Variants in RBFOX1 observed in about 807,000 individuals in gnomAD.
The protein encoded by RBFOX1 is RNA binding protein fox-1 homolog 1.
Under a neutral mutation model 57.7 loss-of-function variants are expected in RBFOX1, and 8 were observed. The ratio of observed to expected loss-of-function variants is 0.14; its 90% CI spans 0.08 to 0.25. The LOEUF is 0.25. Ranked by LOEUF, RBFOX1 falls within the 10% of genes least tolerant of loss-of-function variation. The pLI is 1.00. For synonymous variants in RBFOX1, 326 were observed against 222.4 expected (o/e 1.47, Z -4.15); for missense variants, 611 against 548.5 (o/e 1.11, Z -1.14).
chr16:6,731,175 A>C lies in RBFOX1; in HGVS notation c.-16+76525A>C, dbSNP rs8055852. Among the ~76,000 whole-genome samples the C allele has an allele frequency of 8.4e-3, 1,272 of 152,296 alleles. 24 individuals are homozygous for C. Among genetic ancestry groups the C allele is most frequent in the African/African-American group, 0.029 (1,221 of 41,556 alleles). The stretch of plus-strand genomic sequence containing the variant: ...CTGAGGACAGCTAGAATTATCTAAG[A>C]TGCAAAAATACAGGGAAGATACATA... On this transcript the variant is annotated intron_variant, in intron 3 of 15. Transcript: ENST00000550418.
chr16:6,948,375 CTTTTTTT>C (rs968186299), intron 3 of RBFOX1, among the ~76,000 whole-genome samples: 46 of 67,956 alleles, frequency 6.8e-4, no homozygotes, highest in African/African-American at 1.1e-3. Context: ...TTCTCCCTTT[CTTTTTTT>C]TTTTTTTTTT....
chr16:5,928,594 C>G (rs959703701), intron 4 of RBFOX1, among the ~76,000 whole-genome samples: 3 of 151,880 alleles, frequency 2.0e-5, no homozygotes, highest in Admixed American at 2.0e-4. Context: ...TATGTTCCTC[C>G]TGCCACCACA....
intron 3 of RBFOX1, among the ~76,000 whole-genome samples, chr16:5,664,874 G>C (rs1596651577): frequency 1.3e-5 from 2 of 151,804 alleles, no homozygotes; most frequent in East Asian, 3.9e-4. Flanking sequence ...CTGTGTAGAA[G>C]GCCCTGCACA....
At chr16:7,453,424 G>C (rs2057798744) in intron 4 of RBFOX1, among the ~76,000 whole-genome samples, 1 of 152,144 alleles carries the variant, frequency 6.6e-6, no homozygotes, top group Non-Finnish European at 1.5e-5. Context: ...ACATGGTCTT[G>C]CCGGCCATGA....
intron 5 of RBFOX1, among the ~76,000 whole-genome samples, chr16:7,553,720 A>C (rs2087352113): frequency 6.6e-6 from 1 of 152,212 alleles, no homozygotes; most frequent in Non-Finnish European, 1.5e-5. Flanking sequence ...TGTTTACTGT[A>C]GGTTAGAGTT....
intron 8 of RBFOX1, among the ~76,000 whole-genome samples, chr16:7,597,012 AATTTT>A (rs1247877856): frequency 1.3e-4 from 20 of 152,066 alleles, no homozygotes; most frequent in African/African-American, 3.9e-4. Context: ...CCTTCATATG[AATTTT>A]ATTTTATGTT....
At chr16:6,720,063 C>T (rs1004212399) in intron 3 of RBFOX1, among the ~76,000 whole-genome samples, 1 of 151,944 alleles carries the variant, frequency 6.6e-6, no homozygotes, top group South Asian at 2.1e-4. Flanking sequence ...CACTGCACTA[C>T]ACCCTGGGCG....
At chr16:6,885,032 A>G (rs1277467596) in intron 3 of RBFOX1, among the ~76,000 whole-genome samples, 2 of 152,234 alleles carry the variant, frequency 1.3e-5, no homozygotes, top group East Asian at 3.8e-4. Flanking sequence ...GTTTTAGAAA[A>G]GCAGCAAAAC....
chr16:6,874,356 C>G (rs553281132), intron 3 of RBFOX1, among the ~76,000 whole-genome samples: 3 of 151,784 alleles, frequency 2.0e-5, no homozygotes, highest in South Asian at 2.1e-4. Flanking sequence ...ACTAAAAATA[C>G]AAAATTAGCC....
chr16:5,403,361 A>AACAAC (rs1555509344), intron 1 of RBFOX1, among the ~76,000 whole-genome samples: 3 of 147,184 alleles, frequency 2.0e-5, no homozygotes, highest in Admixed American at 2.0e-4. Context: ...AAAAAAAAAA[A>AACAAC]AAAAAACAAA....
chr16:5,656,495 C>G (rs1386646825), intron 3 of RBFOX1, among the ~76,000 whole-genome samples: 3 of 152,138 alleles, frequency 2.0e-5, no homozygotes, highest in African/African-American at 7.2e-5. Context: ...ACATATACAA[C>G]TTGTTAAGTT....
intron 2 of RBFOX1, among the ~76,000 whole-genome samples, chr16:6,607,386 A>G (rs1047829210): frequency 1.3e-5 from 2 of 151,892 alleles, no homozygotes; most frequent in African/African-American, 2.4e-5. Context: ...ATTTCCAGTT[A>G]TCATAAGCAG....
intron 4 of RBFOX1, among the ~76,000 whole-genome samples, chr16:7,343,817 G>A (rs1202699171): frequency 1.3e-5 from 2 of 152,056 alleles, no homozygotes; most frequent in African/African-American, 4.8e-5. Context: ...TGTGACCTTG[G>A]CACAGTTTTT....
chr16:5,605,940 G>A (rs1469818237), intron 3 of RBFOX1, among the ~76,000 whole-genome samples: 1 of 152,078 alleles, frequency 6.6e-6, no homozygotes, highest in Non-Finnish European at 1.5e-5. Flanking sequence ...CCCATAAGCT[G>A]GCCCACCTTT....
chr16:5,900,527 C>T (rs1165237131), intron 4 of RBFOX1, among the ~76,000 whole-genome samples: 1 of 152,090 alleles, frequency 6.6e-6, no homozygotes, highest in East Asian at 1.9e-4. Flanking sequence ...AGTAGAAATC[C>T]ACCAGGAGAC....
chr16:5,750,897 A>G (rs940570122), intron 3 of RBFOX1, among the ~76,000 whole-genome samples: 1 of 152,222 alleles, frequency 6.6e-6, no homozygotes, highest in African/African-American at 2.4e-5. Flanking sequence ...GACAAGCCCC[A>G]GTGAGATGAA....
intron 1 of RBFOX1, among the ~76,000 whole-genome samples, chr16:6,274,111 C>T (rs868427344): frequency 6.6e-6 from 1 of 152,178 alleles, no homozygotes; most frequent in East Asian, 1.9e-4. Flanking sequence ...TCAAATGATA[C>T]ATTCCCATAG....
At chr16:7,539,788 G>A (rs1388942990) in intron 5 of RBFOX1, among the ~76,000 whole-genome samples, 2 of 152,214 alleles carry the variant, frequency 1.3e-5, no homozygotes, top group African/African-American at 2.4e-5. Flanking sequence ...AGGCTTGGGA[G>A]ATGAAAGACG....
At chr16:7,543,253 A>T (rs2083444889) in intron 5 of RBFOX1, among the ~76,000 whole-genome samples, 1 of 152,226 alleles carries the variant, frequency 6.6e-6, no homozygotes, top group South Asian at 2.1e-4. Context: ...AGTCTTACAA[A>T]TCTGGCCTGA....
Sources: gnomAD v4.1 joint callset for allele counts (sites outside exome capture counted in the v4.1 genomes callset) on GRCh38, gnomAD v4.1.1 for gene constraint, MANE v1.5 for transcripts, NCBI Gene and HGNC (gene_info 2026-07-23, HGNC 2026-07-21) for gene names.